NEDD4: variants seen among roughly 807,000 people sequenced by gnomAD.
The protein encoded by NEDD4 is E3 ubiquitin-protein ligase NEDD4.
A neutral mutation model predicts 144.9 loss-of-function variants in NEDD4; 99 were observed. The observed-to-expected ratio is 0.68, with a 90% CI of 0.58 to 0.81. The LOEUF (loss-of-function observed/expected upper bound fraction) is 0.81, where lower values mean the gene tolerates loss of function less well. Ranked by LOEUF, NEDD4 falls within the 30% of genes least tolerant of loss-of-function variation. The pLI, the probability that NEDD4 is intolerant of heterozygous loss-of-function variation, is 0.00. For synonymous variants in NEDD4, 318 were observed against 350.6 expected (o/e 0.91, Z 1.04); for missense variants, 985 against 1,065.9 (o/e 0.92, Z 1.06).
At chr15:55,830,659 T>G in intron 27 of NEDD4, 73 bp from the exon 28 acceptor site, 8 of 1,155,642 alleles carry the variant, frequency 6.9e-6, no homozygotes, top group Non-Finnish European at 1.0e-5. Context: ...CTTTTTCTAG[T>G]GTACACTAGT....
At chr15:55,935,123 C>A (rs1473075997) in intron 4 of NEDD4, among the ~76,000 whole-genome samples, 1 of 152,116 alleles carries the variant, frequency 6.6e-6, no homozygotes, top group South Asian at 2.1e-4. Flanking sequence ...CCTCCTCGGC[C>A]TCCCAAAGTA....
intron 17 of NEDD4, among the ~76,000 whole-genome samples, 175 bp from the exon 18 acceptor site, chr15:55,847,209 T>C (rs1280893202): frequency 6.6e-6 from 1 of 152,238 alleles, no homozygotes; most frequent in African/African-American, 2.4e-5. Flanking sequence ...ATTTAATTTC[T>C]CTGTTTAAGA....
intron 1 of NEDD4, among the ~76,000 whole-genome samples, chr15:55,977,565 G>A (rs1233924566): frequency 6.6e-6 from 1 of 152,088 alleles, no homozygotes; most frequent in Non-Finnish European, 1.5e-5. Flanking sequence ...GGAGATGCTA[G>A]ATAAAAATAA....
At position 55,850,647 on chromosome 15, in the gene NEDD4, C is replaced by T; in HGVS notation, c.1242G>A (p.Gln414=). Residue 414 remains glutamine (Q), a synonymous_variant, in exon 14 of 29, where the codon CAG becomes CAA. Coordinates refer to ENST00000435532, the MANE Select transcript of NEDD4 (RefSeq NM_006154.4). Reference sequence around the variant, plus strand: ...GGAATCCTTGCTCAATTTCAGATGGCTGGGTCACCTGCTGGCCTGAATCAC... The same window carrying T: ...GGAATCCTTGCTCAATTTCAGATGGTTGGGTCACCTGCTGGCCTGAATCAC... ...STSDSGQQVT[Q]PSEIEQGFLP... is the part of the protein sequence containing the mutation. The T allele has an allele frequency of 1.9e-6, 3 of 1,614,134 alleles. 1 individual carries two copies. In the South Asian group the frequency reaches 3.3e-5, roughly 18 times the overall value.
intron 1 of NEDD4, among the ~76,000 whole-genome samples, chr15:55,971,442 T>C (rs1266405676): frequency 6.6e-6 from 1 of 151,980 alleles, no homozygotes; most frequent in East Asian, 1.9e-4. Context: ...CTGTCCAACA[T>C]GGTTAAACCC....
At chr15:55,985,239 T>C (rs1367425675) in intron 1 of NEDD4, among the ~76,000 whole-genome samples, 2 of 152,258 alleles carry the variant, frequency 1.3e-5, no homozygotes, top group African/African-American at 4.8e-5. Context: ...TCCTTCTCCT[T>C]TTCTGTTCCT....
intron 19 of NEDD4, 44 bp downstream of exon 19, chr15:55,841,890 G>GCTATAAAAAAGGA: frequency 2.0e-6 from 3 of 1,532,192 alleles, no homozygotes; most frequent in Non-Finnish European, 1.8e-6. Flanking sequence ...TTTTAAAACA[G>GCTATAAAAAAGGA]TGATTTTTCT....
chr15:55,863,195 T>C (rs1314869797), intron 8 of NEDD4, 116 bp from the exon 9 acceptor site: 8 of 855,766 alleles, frequency 9.3e-6, no homozygotes, highest in Admixed American at 3.5e-5. Flanking sequence ...AAATTATGCA[T>C]AGACAGAATA....
chr15:55,859,030 A>G (rs538015181), intron 11 of NEDD4, among the ~76,000 whole-genome samples: 29 of 152,294 alleles, frequency 1.9e-4, no homozygotes, highest in Admixed American at 1.8e-3. Context: ...TGAAGGCAGG[A>G]GATATTGTTA....
At chr15:55,840,547 A>G (rs200353248) in intron 20 of NEDD4, 30 bp from the exon 21 acceptor site, 958 of 1,613,522 alleles carry the variant, frequency 5.9e-4, no homozygotes, top group Non-Finnish European at 7.5e-4. Context: ...ATTTAGGATG[A>G]TTACCAAGTG....
intron 1 of NEDD4, among the ~76,000 whole-genome samples, chr15:55,979,025 C>T (rs2037751635): frequency 6.6e-6 from 1 of 151,518 alleles, no homozygotes; most frequent in Non-Finnish European, 1.5e-5. Flanking sequence ...CATCCTTCTC[C>T]CATTCCTCTG....
At chr15:55,860,866 T>C (rs916912412) in intron 9 of NEDD4, 88 bp from the exon 10 acceptor site, 32 of 1,144,430 alleles carry the variant, frequency 2.8e-5, no homozygotes, top group Non-Finnish European at 4.0e-5. Flanking sequence ...GAAAAAAATC[T>C]ACATTACATC....
chr15:55,920,570 T>C (rs1246656907), intron 5 of NEDD4, among the ~76,000 whole-genome samples: 1 of 152,232 alleles, frequency 6.6e-6, no homozygotes, highest in Non-Finnish European at 1.5e-5. Context: ...GATATAAGCC[T>C]ACTCTTTATT....
rs758575554 is a variant in NEDD4 at position 55,829,847 on chromosome 15, T to C, written c.*50A>G. ...CCCCGGAAAATTTTAAGTCAAGATT[T>C]TGGTTATAAAACTATGGCAGTAAAA... On this transcript the variant is annotated 3_prime_UTR_variant, in exon 29 of 29. Transcript: ENST00000435532. 1.1e-5 allele frequency: 16 copies of C among 1,432,596 alleles called. No homozygotes were observed. The highest frequency in any genetic ancestry group is 1.5e-5 in the Non-Finnish European group (16 of 1,038,976). The allele number at this position is 1,432,596 out of a possible 1,614,324, so 88.7% of individuals were successfully genotyped here.
chr15:55,882,312 C>T (rs533951533), intron 5 of NEDD4, among the ~76,000 whole-genome samples: 14 of 152,332 alleles, frequency 9.2e-5, no homozygotes, highest in Admixed American at 2.6e-4. Flanking sequence ...CACCCACCCC[C>T]TCCATCCCCT....
intron 2 of NEDD4, among the ~76,000 whole-genome samples, chr15:55,959,835 C>A (rs573492982): frequency 1.3e-5 from 2 of 152,316 alleles, no homozygotes; most frequent in African/African-American, 4.8e-5. Context: ...GGAAGTGAAT[C>A]CTTCCCTAAG....
In NEDD4 at chr15:55,829,722, A is replaced by G; in HGVS notation, c.*175T>C. On this transcript the variant is annotated 3_prime_UTR_variant, in exon 29 of 29. Transcript: ENST00000435532. The stretch of plus-strand genomic sequence containing the variant: ...ACTGTGTAAATGCAACACATTATTT[A>G]AAAGTGATTAAAAATAAGTTGTCGT... 1 of 556,114 alleles carries G rather than the reference A, an allele frequency of 1.8e-6. No individual in the cohort carries two copies. The highest frequency in any genetic ancestry group is 1.9e-5 in the African/African-American group (1 of 52,866). 34.4% of individuals were successfully genotyped at this position (556,114 alleles called of 1,614,324 possible).
At chr15:55,951,241 T>A (rs1263051715) in intron 4 of NEDD4, 135 bp downstream of exon 4, 2 of 470,116 alleles carry the variant, frequency 4.3e-6, no homozygotes, top group African/African-American at 4.1e-5. Flanking sequence ...AAAATTTCAA[T>A]TCCTTTTGTA....
intron 9 of NEDD4, among the ~76,000 whole-genome samples, chr15:55,862,178 T>C (rs561404247): frequency 3.3e-5 from 5 of 152,270 alleles, no homozygotes; most frequent in African/African-American, 7.2e-5. Flanking sequence ...GTAAAAGTGC[T>C]TGGCATATAT....
Sources: allele counts gnomAD v4.1 joint callset (sites outside exome capture counted in the v4.1 genomes callset), GRCh38; gene constraint gnomAD v4.1.1; transcripts MANE v1.5; gene names NCBI Gene and HGNC (gene_info 2026-07-23, HGNC 2026-07-21).